Variants in NCK1 observed in about 807,000 individuals in gnomAD.
The protein encoded by NCK1 is SH2/SH3 adapter protein NCK1.
Under a neutral mutation model 36.6 loss-of-function variants are expected in NCK1, and 19 were observed. That is an observed-to-expected ratio of 0.52 (90% CI 0.36 to 0.76). NCK1 has a LOEUF of 0.76. Among genes scored for constraint, NCK1 ranks in the 30% least tolerant of loss-of-function variants. The pLI is 0.00. For synonymous variants in NCK1, 165 were observed against 156.0 expected, an observed-to-expected ratio of 1.06 and a Z score of -0.43; for missense variants, 358 against 445.6, an observed-to-expected ratio of 0.80 and a Z score of 1.77.
At chr3:136,926,917 T>G (rs539012022) in intron 1 of NCK1, among the ~76,000 whole-genome samples, 2 of 152,350 alleles carry the variant, frequency 1.3e-5, no homozygotes, top group African/African-American at 4.8e-5. Flanking sequence ...GTCTATTAAA[T>G]CAGACTTGCT....
At chr3:136,943,688 G>A (rs1209191615) in intron 2 of NCK1, among the ~76,000 whole-genome samples, 3 of 152,170 alleles carry the variant, frequency 2.0e-5, no homozygotes, top group Admixed American at 6.5e-5. Context: ...ACTGCTAAGC[G>A]TTGGAGACAG....
intron 3 of NCK1, 60 bp downstream of exon 3, chr3:136,946,355 G>T: frequency 7.1e-7 from 1 of 1,411,284 alleles, no homozygotes. Flanking sequence ...AAAAAAGAGA[G>T]AGAGAAATGG....
chr3:136,885,700 A>C (rs1284685556), intron 1 of NCK1, among the ~76,000 whole-genome samples: 1 of 152,228 alleles, frequency 6.6e-6, no homozygotes, highest in African/African-American at 2.4e-5. Flanking sequence ...ACAGTGTATT[A>C]AAACTACTTA....
chr3:136,907,481 T>C (rs1231190305), intron 1 of NCK1, among the ~76,000 whole-genome samples: 1 of 152,204 alleles, frequency 6.6e-6, no homozygotes, highest in Non-Finnish European at 1.5e-5. Context: ...ACTCAGGGCC[T>C]GCAGCACTTG....
intron 1 of NCK1, among the ~76,000 whole-genome samples, chr3:136,893,187 T>TACAC (rs1226338778): frequency 3.7e-5 from 5 of 133,782 alleles, no homozygotes; most frequent in Non-Finnish European, 6.4e-5. Flanking sequence ...TGTATATATA[T>TACAC]ATATACACAC....
chr3:136,885,085 C>T (rs531037913), intron 1 of NCK1, among the ~76,000 whole-genome samples: 2 of 152,216 alleles, frequency 1.3e-5, no homozygotes, highest in South Asian at 2.1e-4. Flanking sequence ...TTCAGGTATA[C>T]ACTGAAATAT....
intron 1 of NCK1, among the ~76,000 whole-genome samples, chr3:136,891,728 A>G (rs553113759): frequency 1.4e-4 from 22 of 152,302 alleles, no homozygotes; most frequent in African/African-American, 5.1e-4. Flanking sequence ...TTTTTTTAAT[A>G]ATAACCATGG....
chr3:136,885,011 G>C (rs1451976834), intron 1 of NCK1, among the ~76,000 whole-genome samples: 1 of 152,148 alleles, frequency 6.6e-6, no homozygotes, highest in Non-Finnish European at 1.5e-5. Context: ...GTGAGCCACT[G>C]CGCCTGCTGA....
intron 1 of NCK1, among the ~76,000 whole-genome samples, chr3:136,890,363 G>C (rs1010713094): frequency 6.6e-6 from 1 of 151,752 alleles, no homozygotes; most frequent in Non-Finnish European, 1.5e-5. Context: ...CGCAGCCCCA[G>C]TTCCCGCTGG....
intron 1 of NCK1, among the ~76,000 whole-genome samples, chr3:136,874,511 C>T (rs1208480362): frequency 6.6e-6 from 1 of 152,182 alleles, no homozygotes; most frequent in Non-Finnish European, 1.5e-5. Context: ...CTTATACACT[C>T]ATTTCTCCTG....
chr3:136,893,178 GTATATATATA>G, intron 1 of NCK1, among the ~76,000 whole-genome samples: 1 of 34,648 alleles, frequency 2.9e-5, no homozygotes, highest in African/African-American at 9.9e-5. Context: ...GTGTGTGTGT[GTATATATATA>G]TATACACACA....
At chr3:136,893,286 A>G (rs1939305131) in intron 1 of NCK1, among the ~76,000 whole-genome samples, 1 of 151,030 alleles carries the variant, frequency 6.6e-6, no homozygotes, top group African/African-American at 2.4e-5. Flanking sequence ...TCAGTTCTTT[A>G]AGGAATCTGC....
At chr3:136,911,914 A>G (rs1939835345) in intron 1 of NCK1, among the ~76,000 whole-genome samples, 1 of 152,008 alleles carries the variant, frequency 6.6e-6, no homozygotes, top group South Asian at 2.1e-4. Context: ...ATTAGACTAT[A>G]TTAGCCCACT....
At chr3:136,899,252 TA>T in intron 1 of NCK1, 1 of 263,956 alleles carries the variant, frequency 3.8e-6, no homozygotes, top group South Asian at 4.9e-5. Context: ...TGCATATTTG[TA>T]ATGGTTTCCT....
chr3:136,945,809 A>G lies in NCK1; in HGVS notation c.453A>G (p.Gln151=), dbSNP rs1940800974. The change falls in exon 3 of 4, where the codon CAA becomes CAG. Residue 151 remains glutamine (Q), a synonymous_variant. Coordinates refer to ENST00000481752, the MANE Select transcript of NCK1 (RefSeq NM_001291999.2). Reference sequence around the variant, plus strand: ...GGTGGCGTGGTAGCTACAATGGACAAGTTGGATGGTTCCCTTCAAACTATG... The same window carrying G: ...GGTGGCGTGGTAGCTACAATGGACAGGTTGGATGGTTCCCTTCAAACTATG... ...DGWWRGSYNG[Q]VGWFPSNYVT... is the part of the protein sequence containing the mutation. The G allele has an allele frequency of 6.2e-7, 1 of 1,613,978 alleles. No individual in the cohort carries two copies. Among genetic ancestry groups the G allele is most frequent in the Admixed American group, 1.7e-5 (1 of 59,994 alleles).
At chr3:136,873,154 A>C (rs1175607424) in intron 1 of NCK1, among the ~76,000 whole-genome samples, 2 of 152,180 alleles carry the variant, frequency 1.3e-5, no homozygotes, top group African/African-American at 2.4e-5. Context: ...CACTCAATGC[A>C]AGCCTGTGAA....
intron 1 of NCK1, among the ~76,000 whole-genome samples, 183 bp from the exon 2 acceptor site, chr3:136,927,801 G>A (rs1438050486): frequency 1.3e-5 from 2 of 152,208 alleles, no homozygotes; most frequent in Non-Finnish European, 2.9e-5. Context: ...TTACAGGCAT[G>A]AGCCACTGCG....
At chr3:136,930,442 GCCAGGT>G in intron 2 of NCK1, 1 of 1,242,148 alleles carries the variant, frequency 8.1e-7, no homozygotes, top group Non-Finnish European at 1.0e-6. Context: ...CTGGGTGTGG[GCCAGGT>G]CACATGGATT....
At chr3:136,870,168 C>T (rs966599350) in intron 1 of NCK1, among the ~76,000 whole-genome samples, 2 of 151,080 alleles carry the variant, frequency 1.3e-5, no homozygotes, top group Admixed American at 1.3e-4. Flanking sequence ...ATGGTGAAAC[C>T]CTGTCTCTAC....
Sources: allele counts gnomAD v4.1 joint callset (sites outside exome capture counted in the v4.1 genomes callset), GRCh38; gene constraint gnomAD v4.1.1; transcripts MANE v1.5; gene names NCBI Gene and HGNC (gene_info 2026-07-23, HGNC 2026-07-21).